ARID2: variants seen among roughly 807,000 people sequenced by gnomAD.
The protein encoded by ARID2 is AT-rich interaction domain 2, also known as AT-rich interactive domain-containing protein 2.
ARID2 carries 32 observed loss-of-function variants against 184.6 expected under a neutral mutation model. The ratio of observed to expected loss-of-function variants is 0.17; its 90% CI spans 0.13 to 0.23. The LOEUF is 0.23. ARID2 is among the 10% of genes least tolerant of loss of function. The pLI is 1.00. For synonymous variants in ARID2, 836 were observed against 772.6 expected, an observed-to-expected ratio of 1.08 and a Z score of -1.36; for missense variants, 1,696 against 2,197.6, an observed-to-expected ratio of 0.77 and a Z score of 4.56.
intron 20 of ARID2, among the ~76,000 whole-genome samples, chr12:45,902,090 T>C (rs1044013788): frequency 6.6e-6 from 1 of 152,244 alleles, no homozygotes; most frequent in Non-Finnish European, 1.5e-5. Flanking sequence ...TTTACTAGTG[T>C]TGCTTAGAAA....
At chr12:45,776,205 C>T (rs1051502021) in intron 3 of ARID2, 5 of 155,490 alleles carry the variant, frequency 3.2e-5, no homozygotes, top group African/African-American at 1.2e-4. Flanking sequence ...GTCAGAAACT[C>T]TGGGGTTAGG....
At chr12:45,737,694 C>A (rs1941157848) in intron 3 of ARID2, among the ~76,000 whole-genome samples, 1 of 152,006 alleles carries the variant, frequency 6.6e-6, no homozygotes, top group South Asian at 2.1e-4. Flanking sequence ...CCAGGTGATT[C>A]TTAAGTACAC....
Position 45,907,920 on chromosome 12 carries a change from A to G in ARID2, c.*2842A>G, listed in dbSNP as rs1231766302. On this transcript the variant is annotated 3_prime_UTR_variant, in exon 21 of 21. Coordinates refer to ENST00000334344, the MANE Select transcript of ARID2 (RefSeq NM_152641.4). ...CCAAGCTCAAGTCAGGATTGTGACT[A>G]TATATTAATGAGACTCAGTAATCCA... 4.3e-6 allele frequency: 1 copy of G among 231,742 alleles called. No homozygotes were observed. The highest frequency in any genetic ancestry group is 8.5e-6 in the Non-Finnish European group (1 of 117,182). 14.4% of individuals were successfully genotyped at this position (231,742 alleles called of 1,614,324 possible). A position where few individuals can be genotyped will look rare whatever the true frequency, so the allele number is the denominator to read the frequency against.
chr12:45,877,638 TG>T (rs1309658591), intron 16 of ARID2, among the ~76,000 whole-genome samples: 3 of 152,138 alleles, frequency 2.0e-5, no homozygotes, highest in African/African-American at 7.2e-5. Context: ...TCCATGAAAG[TG>T]GTCCCTGGTA....
chr12:45,804,925 G>A (rs975656349), intron 3 of ARID2, among the ~76,000 whole-genome samples: 8 of 151,982 alleles, frequency 5.3e-5, no homozygotes, highest in African/African-American at 1.7e-4. Flanking sequence ...CTTCATATAA[G>A]TGGAATTATA....
At position 45,853,772 on chromosome 12, in the gene ARID2, T is replaced by C. The variant is rs1321523377; in HGVS notation, c.4773+876T>C. Among the ~76,000 whole-genome samples the C allele has an allele frequency of 2.0e-5, 3 of 152,260 alleles. No homozygotes were observed. The East Asian group carries it at 5.8e-4, about 29-fold the overall frequency. On this transcript the variant is annotated intron_variant, in intron 15 of 20. Transcript: ENST00000334344. ...CTGACACAGTTCTGGCTTGGGCTTC[T>C]GTATGGTTACGGTGATGACAGCAGA...
At chr12:45,760,708 C>T (rs1322329241) in intron 3 of ARID2, among the ~76,000 whole-genome samples, 5 of 151,456 alleles carry the variant, frequency 3.3e-5, no homozygotes, top group Admixed American at 2.6e-4. Flanking sequence ...TCTTTTATTG[C>T]CCTTGCCTTT....
chr12:45,848,432 G>C (rs1022871973), intron 12 of ARID2, among the ~76,000 whole-genome samples: 2 of 152,018 alleles, frequency 1.3e-5, no homozygotes, highest in African/African-American at 4.8e-5. Context: ...CCTTAGTTCA[G>C]TTTCCCCCCA....
intron 16 of ARID2, among the ~76,000 whole-genome samples, chr12:45,869,688 G>T (rs1943889377): frequency 6.6e-6 from 1 of 151,904 alleles, no homozygotes; most frequent in South Asian, 2.1e-4. Context: ...TTTGAGAACA[G>T]CCTGGCCAAT....
chr12:45,771,165 C>T (rs905898696), intron 3 of ARID2, among the ~76,000 whole-genome samples: 1 of 152,026 alleles, frequency 6.6e-6, no homozygotes, highest in Admixed American at 6.5e-5. Flanking sequence ...AAAAAGCAGG[C>T]TGGGCGCAGT....
chr12:45,806,778 A>G (rs914875372), intron 3 of ARID2, among the ~76,000 whole-genome samples: 3 of 152,130 alleles, frequency 2.0e-5, no homozygotes, highest in Non-Finnish European at 2.9e-5. Flanking sequence ...ACATCAGTGT[A>G]GGTCCCTGTC....
At chr12:45,813,983 A>T (rs115789242) in intron 4 of ARID2, among the ~76,000 whole-genome samples, 1 of 152,116 alleles carries the variant, frequency 6.6e-6, no homozygotes, top group African/African-American at 2.4e-5. Flanking sequence ...CTGCAGAATT[A>T]TTAGGTGGAT....
At chr12:45,853,000 T>C in intron 15 of ARID2, 104 bp downstream of exon 15, 1 of 1,424,576 alleles carries the variant, frequency 7.0e-7, no homozygotes, top group Non-Finnish European at 9.1e-7. Context: ...GAAAAGTTAC[T>C]GTATCAGCTC....
At chr12:45,812,105 G>T (rs914098814) in intron 4 of ARID2, among the ~76,000 whole-genome samples, 5 of 151,754 alleles carry the variant, frequency 3.3e-5, no homozygotes, top group Non-Finnish European at 5.9e-5. Flanking sequence ...GAGTAGACGG[G>T]CTCCAGTTTT....
chr12:45,851,796 G>T lies in ARID2; in HGVS notation c.3673G>T (p.Ala1225Ser), dbSNP rs750992711. ...QTLPATQASP[A>S]GQSSCTTATP... ...GCTTCCAGCCACTCAAGCATCTCCT[G>T]CTGGACAATCATCATGTACTACTGC... Residue 1225 changes from alanine to serine, a missense_variant, in exon 15 of 21, where the codon GCT (alanine) becomes TCT (serine). Physicochemically the swap from Ala to Ser is moderately conservative, Grantham distance 99. Around this residue, in one of 11 missense-constraint regions of ARID2, gnomAD observed 428 missense variants for 409.1 expected, o/e 1.05. Coordinates refer to ENST00000334344, the MANE Select transcript of ARID2 (RefSeq NM_152641.4). The T allele has an allele frequency of 6.2e-7, 1 of 1,614,164 alleles. No individual in the cohort carries two copies. The highest frequency in any genetic ancestry group is 8.5e-7 in the Non-Finnish European group (1 of 1,180,014).
At chr12:45,769,812 C>T (rs1243618447) in intron 3 of ARID2, among the ~76,000 whole-genome samples, 1 of 152,138 alleles carries the variant, frequency 6.6e-6, no homozygotes, top group Non-Finnish European at 1.5e-5. Context: ...TCATCACTTA[C>T]AAGTGAACCC....
At chr12:45,740,894 A>T (rs927428551) in intron 3 of ARID2, among the ~76,000 whole-genome samples, 2 of 152,176 alleles carry the variant, frequency 1.3e-5, no homozygotes, top group Admixed American at 1.3e-4. Flanking sequence ...GGCAAGAGAC[A>T]TGTCATGTCA....
At chr12:45,793,312 T>G (rs983380216) in intron 3 of ARID2, among the ~76,000 whole-genome samples, 2 of 150,432 alleles carry the variant, frequency 1.3e-5, no homozygotes, top group African/African-American at 5.0e-5. Context: ...AAAAAAAGAC[T>G]TATTTTGTAT....
chr12:45,747,228 A>G (rs1941377262), intron 3 of ARID2, among the ~76,000 whole-genome samples: 1 of 152,178 alleles, frequency 6.6e-6, no homozygotes, highest in South Asian at 2.1e-4. Flanking sequence ...TTTTATTTTT[A>G]TTTAAAAAAT....
Sources: allele counts gnomAD v4.1 joint callset (sites outside exome capture counted in the v4.1 genomes callset), GRCh38; gene constraint gnomAD v4.1.1; regional missense constraint gnomAD v4.1.1; transcripts MANE v1.5; gene names NCBI Gene and HGNC (gene_info 2026-07-23, HGNC 2026-07-21).